The following ABHD17C variants were observed in gnomAD, a reference collection of about 807,000 sequenced individuals.
The protein encoded by ABHD17C is alpha/beta hydrolase domain-containing protein 17C.
A neutral mutation model predicts 27.9 loss-of-function variants in ABHD17C; 11 were observed. The ratio of observed to expected loss-of-function variants is 0.39; its 90% confidence interval spans 0.25 to 0.65. The LOEUF is 0.65. Among genes scored for constraint, ABHD17C ranks in the 30% least tolerant of loss-of-function variants. The pLI, the probability that ABHD17C is intolerant of heterozygous loss-of-function variation, is 0.45. For missense variants in ABHD17C, 280 were observed against 470.2 expected (o/e 0.60, Z 3.74); for synonymous variants, 233 against 209.1 (o/e 1.11, Z -0.98).
At position 80,695,491 on chromosome 15, in the gene ABHD17C, G is replaced by A. The variant is rs748846703; in HGVS notation, c.62G>A (p.Cys21Tyr). Reference sequence around the variant, plus strand: ...CTGGGTGAGCTGTGCTGGCTCTTCTGCTGCCCGCCCTGCCCGAGCCGCATC... The same window carrying A: ...CTGGGTGAGCTGTGCTGGCTCTTCTACTGCCCGCCCTGCCCGAGCCGCATC... ...FSLGELCWLF[C>Y]CPPCPSRIAA... The change falls in exon 1 of 3, where the codon TGC becomes TAC. Residue 21 changes from cysteine to tyrosine, a missense_variant. By Grantham distance (194) the Cys-to-Tyr change is radical (BLOSUM62 -2). Coordinates refer to ENST00000258884, the MANE Select transcript of ABHD17C (RefSeq NM_021214.2). The surrounding 1 kb of genome is among the most constrained non-coding windows in gnomAD (Gnocchi z 4.3). The A allele has an allele frequency of 7.2e-7, 1 of 1,394,282 alleles. No individual in the cohort carries two copies. The allele number at this position is 1,394,282 out of a possible 1,614,324, so 86.4% of individuals were successfully genotyped here.
intron 1 of ABHD17C, among the ~76,000 whole-genome samples, chr15:80,711,232 A>AAACACAT (rs765650080): frequency 1.7e-3 from 255 of 152,288 alleles, no homozygotes; most frequent in Non-Finnish European, 2.9e-3. Flanking sequence ...CTTTAAAAGA[A>AAACACAT]CCCAGTGTTG....
intron 1 of ABHD17C, among the ~76,000 whole-genome samples, chr15:80,713,425 A>C (rs1894756395): frequency 7.4e-6 from 1 of 134,878 alleles, no homozygotes; most frequent in African/African-American, 2.9e-5. Flanking sequence ...AAGATAGGGA[A>C]CTCCAGGAGT....
At chr15:80,744,764 G>A (rs1037696261) in intron 1 of ABHD17C, among the ~76,000 whole-genome samples, 1 of 152,192 alleles carries the variant, frequency 6.6e-6, no homozygotes, top group Non-Finnish European at 1.5e-5. Context: ...CTCACCACCT[G>A]AAGACAACAG....
chr15:80,727,240 T>A (rs1228594747), intron 1 of ABHD17C, among the ~76,000 whole-genome samples: 1 of 152,168 alleles, frequency 6.6e-6, no homozygotes, highest in East Asian at 1.9e-4. Context: ...TCGTCTAGGG[T>A]CACTCAGTAG....
chr15:80,697,357 A>G (rs543193635), intron 1 of ABHD17C, among the ~76,000 whole-genome samples: 8 of 152,382 alleles, frequency 5.2e-5, no homozygotes, highest in African/African-American at 1.9e-4. Context: ...AAGGGTTTCA[A>G]AAGTATGTGT....
chr15:80,748,838 C>T (rs996267257), intron 1 of ABHD17C, among the ~76,000 whole-genome samples: 4 of 151,420 alleles, frequency 2.6e-5, no homozygotes, highest in Non-Finnish European at 5.9e-5. Flanking sequence ...TGCTGACATG[C>T]GGTTGGCTGG....
chr15:80,695,916 ATCT>A lies in ABHD17C; in HGVS notation c.491_493del (p.Phe164del). On this transcript the variant is annotated inframe_deletion, in exon 1 of 3. Coordinates refer to ENST00000258884, the MANE Select transcript of ABHD17C (RefSeq NM_021214.2). This position sits in a 1 kb window ranked among gnomAD's most constrained non-coding sequence, Gnocchi z 4.3. ...CCTCGGCTCCCGCATCAACTGCAAC[ATCT>A]TCTCCTACGACTACTCGGGATACGG... 3 of 1,597,436 alleles carry A rather than the reference ATCT, an allele frequency of 1.9e-6. No homozygotes were observed. The highest frequency in any genetic ancestry group is 2.5e-6 in the Non-Finnish European group (3 of 1,179,340).
intron 2 of ABHD17C, among the ~76,000 whole-genome samples, chr15:80,751,471 G>A (rs1485729288): frequency 6.6e-6 from 1 of 152,220 alleles, no homozygotes; most frequent in African/African-American, 2.4e-5. Flanking sequence ...GACAGGCACA[G>A]TGGCTTACAC....
At chr15:80,713,547 C>A (rs149620474) in intron 1 of ABHD17C, among the ~76,000 whole-genome samples, 46 of 151,568 alleles carry the variant, frequency 3.0e-4, no homozygotes, top group Non-Finnish European at 6.3e-4. Flanking sequence ...CAGTGGCTCA[C>A]GCCTGTAATC....
chr15:80,705,811 G>T (rs960977487), intron 1 of ABHD17C, among the ~76,000 whole-genome samples: 1 of 152,192 alleles, frequency 6.6e-6, no homozygotes, highest in Non-Finnish European at 1.5e-5. Flanking sequence ...GCTTTGGAGA[G>T]TGGTATGCAT....
rs753801646 is a variant in ABHD17C at position 80,695,762 on chromosome 15, C to T, written c.333C>T (p.Phe111=). The stretch of plus-strand genomic sequence containing the variant: ...AGCTGGACGCCGTCGAGGTCTTCTT[C>T]TCGCGCACGGCCCGGGACAACCGGC... ...QRELDAVEVF[F]SRTARDNRLG... The change falls in exon 1 of 3, where the codon TTC becomes TTT. Residue 111 remains phenylalanine (F), a synonymous_variant. Transcript: ENST00000258884. This position sits in a 1 kb window ranked among gnomAD's most constrained non-coding sequence, Gnocchi z 4.3. The T allele has an allele frequency of 4.5e-6, 7 of 1,539,034 alleles. No individual in the cohort carries two copies. Among genetic ancestry groups the T allele is most frequent in the African/African-American group, 1.4e-5 (1 of 73,194 alleles).
Position 80,741,415 on chromosome 15 carries a change from T to C in ABHD17C, c.591-8098T>C, listed in dbSNP as rs189341002. Among the ~76,000 whole-genome samples the C allele has an allele frequency of 2.5e-3, 380 of 150,916 alleles. 1 individual carries two copies. Among genetic ancestry groups the C allele is most frequent in the Admixed American group, 0.024 (340 of 14,186 alleles). On this transcript the variant is annotated intron_variant, in intron 1 of 2. Transcript: ENST00000258884. ...TTCTTACTGTAGATCCTACCAACTT[T>C]GGCAGCAGTTGTCTTTTTTCTTATT...
In ABHD17C at chr15:80,711,009, T is replaced by C. The variant is rs947968791; in HGVS notation, c.590+14990T>C. On this transcript the variant is annotated intron_variant, in intron 1 of 2. Transcript: ENST00000258884. ...TGGAGATGTAGAGTAAGCAATAGAATTTAAGTCTAGAGTTCAGGAGTGAGG... is the reference window on the plus strand; with the variant it reads ...TGGAGATGTAGAGTAAGCAATAGAACTTAAGTCTAGAGTTCAGGAGTGAGG... 7.9e-5 allele frequency among the ~76,000 whole-genome samples: 12 copies of C among 152,082 alleles called. 1 individual carries two copies. The highest frequency in any genetic ancestry group is 2.7e-4 in the African/African-American group (11 of 41,394).
chr15:80,698,113 G>A (rs1172872684), intron 1 of ABHD17C, among the ~76,000 whole-genome samples: 1 of 144,092 alleles, frequency 6.9e-6, no homozygotes, highest in East Asian at 2.1e-4. Flanking sequence ...CGCCCAGGCT[G>A]GAGTGCAGTG....
At chr15:80,726,871 A>G (rs888129907) in intron 1 of ABHD17C, among the ~76,000 whole-genome samples, 3 of 152,140 alleles carry the variant, frequency 2.0e-5, no homozygotes, top group Non-Finnish European at 4.4e-5. Context: ...AATGTGCCAT[A>G]GCTTTCATTT....
Position 80,750,076 on chromosome 15 carries a change from G to T in ABHD17C, c.770+384G>T, listed in dbSNP as rs531825192. On this transcript the variant is annotated intron_variant, in intron 2 of 2. Coordinates refer to ENST00000258884, the MANE Select transcript of ABHD17C (RefSeq NM_021214.2). ...TGAGCTGTATACAATATGTGTGATG[G>T]GGCAACTAGTGGTGTAGACACTCAA... Among the ~76,000 whole-genome samples, 3 of 152,288 alleles carry T rather than the reference G, an allele frequency of 2.0e-5. No individual in the cohort carries two copies. In the South Asian group the frequency reaches 6.2e-4, roughly 32 times the overall value.
At chr15:80,707,042 G>GC (rs1371529500) in intron 1 of ABHD17C, among the ~76,000 whole-genome samples, 2 of 152,206 alleles carry the variant, frequency 1.3e-5, no homozygotes, top group African/African-American at 4.8e-5. Context: ...CATTGTAAAG[G>GC]CCAAGGGAAA....
intron 1 of ABHD17C, among the ~76,000 whole-genome samples, chr15:80,699,998 A>G (rs1234141571): frequency 6.6e-6 from 1 of 152,244 alleles, no homozygotes; most frequent in Admixed American, 6.5e-5. Context: ...TCACTTAGAC[A>G]TATCTGTGGA....
At chr15:80,698,157 C>A (rs1894519967) in intron 1 of ABHD17C, among the ~76,000 whole-genome samples, 1 of 150,496 alleles carries the variant, frequency 6.6e-6, no homozygotes, top group Non-Finnish European at 1.5e-5. Context: ...CTCCACCTCC[C>A]GGGTTCACGC....
Sources: allele counts gnomAD v4.1 joint callset (sites outside exome capture counted in the v4.1 genomes callset), GRCh38; gene constraint gnomAD v4.1.1; non-coding constraint Gnocchi (gnomAD v3.1); transcripts MANE v1.5; gene names NCBI Gene and HGNC (gene_info 2026-07-23, HGNC 2026-07-21).